The following PDE2A variants were observed in gnomAD, a reference collection of about 807,000 sequenced individuals.
The protein encoded by PDE2A is phosphodiesterase 2A, also known as cGMP-dependent 3',5'-cyclic phosphodiesterase.
Under a neutral mutation model 133.6 loss-of-function variants are expected in PDE2A, and 53 were observed. The ratio of observed to expected loss-of-function variants is 0.40; its 90% CI spans 0.32 to 0.50. The LOEUF (loss-of-function observed/expected upper bound fraction) is 0.50. Among genes scored for constraint, PDE2A ranks in the 20% least tolerant of loss-of-function variants. The pLI is 0.73. For missense variants in PDE2A, 796 were observed against 1,232.4 expected, an observed-to-expected ratio of 0.65 and a Z score of 5.30; for synonymous variants, 491 against 490.2, an observed-to-expected ratio of 1.00 and a Z score of -0.02.
intron 1 of PDE2A, among the ~76,000 whole-genome samples, chr11:72,660,724 G>A (rs531619370): frequency 5.3e-4 from 80 of 152,186 alleles, no homozygotes; most frequent in African/African-American, 1.9e-3. Flanking sequence ...CTCCCTTCAC[G>A]ATACTCAGTG....
chr11:72,616,755 G>C (rs567085004), intron 2 of PDE2A, among the ~76,000 whole-genome samples: 1 of 152,290 alleles, frequency 6.6e-6, no homozygotes, highest in East Asian at 1.9e-4. Context: ...TCATCTCCAC[G>C]TGCAGACCGG....
intron 1 of PDE2A, among the ~76,000 whole-genome samples, chr11:72,660,274 A>AC (rs913829948): frequency 5.9e-5 from 9 of 151,950 alleles, no homozygotes; most frequent in African/African-American, 2.2e-4. Flanking sequence ...AAGTAGTCAT[A>AC]CCCCCACCTT....
intron 2 of PDE2A, among the ~76,000 whole-genome samples, chr11:72,615,678 A>T (rs1280983526): frequency 6.6e-6 from 1 of 151,596 alleles, no homozygotes; most frequent in African/African-American, 2.4e-5. Flanking sequence ...TCTCCTGGAC[A>T]CCACAAACTT....
intron 2 of PDE2A, among the ~76,000 whole-genome samples, chr11:72,612,060 T>C (rs1013014251): frequency 6.6e-6 from 1 of 152,080 alleles, no homozygotes; most frequent in East Asian, 1.9e-4. Flanking sequence ...GTCAGGGGGC[T>C]TCGATCTTAA....
In PDE2A at chr11:72,590,287, C is replaced by T. The variant is rs1396462077; in HGVS notation, c.704-43G>A. 6.5e-7 allele frequency: 1 copy of T among 1,545,520 alleles called. No homozygotes were observed. The highest frequency in any genetic ancestry group is 8.8e-7 in the Non-Finnish European group (1 of 1,141,934). ...CGGTCAGAGAGAGGGCCCCTCCGCA[C>T]CTCCGTGTCCGGGTCCCTCAGGCGC... is the stretch of plus-strand genomic sequence containing the variant. On this transcript the variant is annotated intron_variant, in intron 8 of 30. Transcript: ENST00000334456. The surrounding 1 kb of genome is among the most constrained non-coding windows in gnomAD (Gnocchi z 4.8).
intron 3 of PDE2A, among the ~76,000 whole-genome samples, chr11:72,605,951 T>C (rs1239791074): frequency 6.6e-6 from 1 of 151,868 alleles, no homozygotes; most frequent in Non-Finnish European, 1.5e-5. Flanking sequence ...CCAAGGTCAG[T>C]AGGGCTGAGT....
intron 1 of PDE2A, among the ~76,000 whole-genome samples, chr11:72,657,485 C>A (rs1326676164): frequency 1.3e-5 from 2 of 152,206 alleles, no homozygotes. Context: ...CCTCCCACTC[C>A]TCCATCTCCC....
At chr11:72,585,681 T>C in intron 14 of PDE2A, 88 bp from the exon 15 acceptor site, 1 of 1,123,720 alleles carries the variant, frequency 8.9e-7, no homozygotes, top group South Asian at 1.3e-5. Context: ...ACCCGGGTCT[T>C]CTCCTTCCTT....
chr11:72,584,191 C>A lies in PDE2A; in HGVS notation c.1650+10G>T, dbSNP rs773805903. On this transcript the variant is annotated intron_variant, in intron 19 of 30. Coordinates refer to ENST00000334456, the MANE Select transcript of PDE2A (RefSeq NM_002599.5). ...ATCACCCCACACCCCACTCCCAACC[C>A]CGCCCTCACATGGGCGATGCTGATG... 2 of 1,481,616 alleles carry A rather than the reference C, an allele frequency of 1.3e-6. No individual in the cohort carries two copies. The highest frequency in any genetic ancestry group is 9.4e-7 in the Non-Finnish European group (1 of 1,062,022). The allele number at this position is 1,481,616 out of a possible 1,614,324, so 91.8% of individuals were successfully genotyped here.
At chr11:72,642,189 C>G (rs952577724) in intron 2 of PDE2A, 65 bp downstream of exon 2, 62 of 1,376,168 alleles carry the variant, frequency 4.5e-5, no homozygotes, top group Non-Finnish European at 5.7e-5. Flanking sequence ...CGGGGGCGGG[C>G]AGACCCGGCC....
intron 2 of PDE2A, among the ~76,000 whole-genome samples, chr11:72,609,807 T>C (rs1857121345): frequency 6.7e-6 from 1 of 149,626 alleles, no homozygotes; most frequent in African/African-American, 2.4e-5. Context: ...AACTGCAAGA[T>C]GAAGGAGACA....
intron 1 of PDE2A, among the ~76,000 whole-genome samples, chr11:72,651,673 C>T (rs980623716): frequency 6.6e-6 from 1 of 152,212 alleles, no homozygotes; most frequent in Admixed American, 6.5e-5. Flanking sequence ...TTGGCACTCC[C>T]AACAGCTCAG....
intron 2 of PDE2A, among the ~76,000 whole-genome samples, chr11:72,634,253 C>A (rs11823678): frequency 1.3e-5 from 2 of 151,970 alleles, no homozygotes; most frequent in African/African-American, 4.8e-5. Context: ...GGCTCCCTGC[C>A]GGGGACAATG....
chr11:72,598,008 C>G (rs1191621324), intron 4 of PDE2A, among the ~76,000 whole-genome samples: 1 of 152,174 alleles, frequency 6.6e-6, no homozygotes, highest in African/African-American at 2.4e-5. Context: ...AGAGAAGAAC[C>G]CTCCCTGTCA....
chr11:72,636,159 G>A (rs781537455), intron 2 of PDE2A: 23 of 1,147,306 alleles, frequency 2.0e-5, no homozygotes, highest in East Asian at 6.3e-5. Flanking sequence ...GGGCCCTGCC[G>A]GCTACTCTCA....
At chr11:72,626,710 C>A (rs1232876514) in intron 2 of PDE2A, among the ~76,000 whole-genome samples, 2 of 152,218 alleles carry the variant, frequency 1.3e-5, no homozygotes, top group South Asian at 2.1e-4. Flanking sequence ...AATGGCAATA[C>A]CCCCTCCAAC....
intron 2 of PDE2A, among the ~76,000 whole-genome samples, chr11:72,622,191 G>GA (rs927746364): frequency 2.6e-5 from 4 of 151,414 alleles, no homozygotes; most frequent in East Asian, 3.9e-4. Flanking sequence ...AAAAATAAAA[G>GA]AAAAAAAAGA....
At position 72,578,215 on chromosome 11, in the gene PDE2A, C is replaced by A; in HGVS notation, c.2615+18G>T. On this transcript the variant is annotated intron_variant, in intron 30 of 30. Transcript: ENST00000334456. This position sits in a 1 kb window ranked among gnomAD's most constrained non-coding sequence, Gnocchi z 4.2. ...CCTCTCTGTGCAGGGTGCAGCTTGT[C>A]CCCATGAGCTCACTCACTTGTAGAT... The A allele has an allele frequency of 1.4e-6, 2 of 1,475,126 alleles. No homozygotes were observed. The highest frequency in any genetic ancestry group is 1.9e-6 in the Non-Finnish European group (2 of 1,052,546). The allele number at this position is 1,475,126 out of a possible 1,614,324, so 91.4% of individuals were successfully genotyped here. A position where few individuals can be genotyped will look rare whatever the true frequency, so the allele number is the denominator to read the frequency against.
rs1349981722 is a variant in PDE2A, at chr11:72,576,973, C to T, written c.*411G>A. The T allele has an allele frequency of 5.2e-6, 1 of 193,782 alleles. No individual in the cohort carries two copies. Among genetic ancestry groups the T allele is most frequent in the East Asian group, 1.3e-4 (1 of 7,702 alleles). The allele number at this position is 193,782 out of a possible 1,614,324, so 12.0% of individuals were successfully genotyped here. A position where few individuals can be genotyped will look rare whatever the true frequency, so the allele number is the denominator to read the frequency against. Reference sequence around the variant, plus strand: ...CTGCTCACTCAGATGTCTCACCTTCCCCTTCCATGAGGATCCTGGAGACCC... The same window carrying T: ...CTGCTCACTCAGATGTCTCACCTTCTCCTTCCATGAGGATCCTGGAGACCC... On this transcript the variant is annotated 3_prime_UTR_variant, in exon 31 of 31. Transcript: ENST00000334456.
Sources: allele counts gnomAD v4.1 joint callset (sites outside exome capture counted in the v4.1 genomes callset), GRCh38; gene constraint gnomAD v4.1.1; non-coding constraint Gnocchi (gnomAD v3.1); transcripts MANE v1.5; gene names NCBI Gene and HGNC (gene_info 2026-07-23, HGNC 2026-07-21).